SCAF4: variants seen among roughly 807,000 people sequenced by gnomAD.
The protein encoded by SCAF4 is SR-related CTD associated factor 4.
A neutral mutation model predicts 129.8 loss-of-function variants in SCAF4; 25 were observed. The observed-to-expected ratio is 0.19, with a 90% CI of 0.14 to 0.27. The LOEUF is 0.27. Among genes scored for constraint, SCAF4 ranks in the 10% least tolerant of loss-of-function variants. The pLI is 1.00. For missense variants in SCAF4, 1,246 were observed against 1,457.1 expected, an observed-to-expected ratio of 0.86 and a Z score of 2.36; for synonymous variants, 551 against 497.7, an observed-to-expected ratio of 1.11 and a Z score of -1.43.
At chr21:31,685,330 C>T (rs1367014697) in intron 18 of SCAF4, 68 bp downstream of exon 18, 25 of 1,501,980 alleles carry the variant, frequency 1.7e-5, no homozygotes, top group South Asian at 9.5e-5. Context: ...ATCCTATTAC[C>T]GCTTCACTCT....
rs2123531321 is a variant in SCAF4 at position 31,691,903 on chromosome 21, T to C, written c.1642A>G (p.Ile548Val). 3 of 1,599,018 alleles carry C rather than the reference T, an allele frequency of 1.9e-6. No individual in the cohort carries two copies. Among genetic ancestry groups the C allele is most frequent in the Non-Finnish European group, 2.6e-6 (3 of 1,170,662 alleles). The change falls in exon 14 of 20, where the codon ATT (isoleucine) becomes GTT (valine). Residue 548 changes from isoleucine to valine, a missense_variant. Ile to Val is a conservative substitution (Grantham distance 29). Around this residue, in one of 6 missense-constraint regions of SCAF4, gnomAD observed 468 missense variants for 605.5 expected, o/e 0.77. Coordinates refer to ENST00000286835, the MANE Select transcript of SCAF4 (RefSeq NM_020706.2). ...GCATCTTGCCTATGAACCATAACAA[T>C]ATAGGCACAACCCCTGGGAGGAATC... The part of the protein sequence containing the change: ...NMIPPRGCAY[I>V]VMVHRQDAYR...
intron 1 of SCAF4, 159 bp from the exon 2 acceptor site, chr21:31,706,516 C>T (rs529621238): frequency 1.3e-5 from 8 of 601,320 alleles, no homozygotes; most frequent in African/African-American, 1.9e-5. Context: ...GCTTTGGTGG[C>T]CAGGCACCCA....
intron 14 of SCAF4, 68 bp downstream of exon 14, chr21:31,691,749 A>G (rs1035466689): frequency 9.4e-6 from 6 of 640,754 alleles, no homozygotes; most frequent in Non-Finnish European, 1.0e-5. Context: ...ATTAGTTTTT[A>G]TATGCCACAT....
Position 31,703,036 on chromosome 21 carries a change from A to C in SCAF4, c.322-657T>G, listed in dbSNP as rs2050572406. 1.3e-5 allele frequency among the ~76,000 whole-genome samples: 2 copies of C among 152,240 alleles called. 1 individual carries two copies. Among genetic ancestry groups the C allele is most frequent in the South Asian group, 4.1e-4 (2 of 4,830 alleles). ...CTTATAGTCAGCTACTATATCTGTA[A>C]TGTTTTTCTACTTTTATATAGTATG... On this transcript the variant is annotated intron_variant, in intron 4 of 19. Transcript: ENST00000286835.
At chr21:31,729,615 G>C (rs1468260148) in intron 1 of SCAF4, among the ~76,000 whole-genome samples, 1 of 152,180 alleles carries the variant, frequency 6.6e-6, no homozygotes, top group African/African-American at 2.4e-5. Flanking sequence ...TAGTTGAGAA[G>C]CACTACAAAT....
intron 14 of SCAF4, 90 bp downstream of exon 14, chr21:31,691,727 T>G (rs1476136335): frequency 4.1e-6 from 2 of 489,460 alleles, no homozygotes; most frequent in African/African-American, 2.0e-5. Flanking sequence ...GAAAGTCATT[T>G]CGAAGACCCA....
rs774240859 is a variant in SCAF4, at chr21:31,672,070, C to T, written c.2773G>A (p.Gly925Arg). Residue 925 changes from glycine (G) to arginine (R), a missense_variant, in exon 20 of 20, where the codon GGG (glycine) becomes AGG (arginine). Gly to Arg is a moderately radical substitution (Grantham distance 125, BLOSUM62 -2). Around this residue, in one of 6 missense-constraint regions of SCAF4, gnomAD observed 339 missense variants for 325.0 expected, o/e 1.04. Coordinates refer to ENST00000286835, the MANE Select transcript of SCAF4 (RefSeq NM_020706.2). ...CCCCCTGGGCCTGGCCCTGGGCCCC[C>T]GAGCCCTGGCATTCCACCAGGCCTA... ...FVRPGGMPGL[G>R]GPGPGPGGPE... The T allele has an allele frequency of 9.3e-6, 15 of 1,613,272 alleles. No homozygotes were observed. Among genetic ancestry groups the T allele is most frequent in the East Asian group, 2.2e-5 (1 of 44,854 alleles).
intron 16 of SCAF4, among the ~76,000 whole-genome samples, chr21:31,687,177 T>C (rs1043828327): frequency 6.6e-6 from 1 of 152,144 alleles, no homozygotes; most frequent in African/African-American, 2.4e-5. Context: ...AGATTTAATG[T>C]GAGAAACTGA....
chr21:31,701,206 A>G (rs1360782986), intron 6 of SCAF4, 35 bp from the exon 7 acceptor site: 3 of 1,505,472 alleles, frequency 2.0e-6, no homozygotes, highest in Admixed American at 2.3e-5. Flanking sequence ...ATCACAGAAC[A>G]AAGTATAATC....
At chr21:31,681,156 A>G (rs1344374215) in intron 19 of SCAF4, among the ~76,000 whole-genome samples, 2 of 152,056 alleles carry the variant, frequency 1.3e-5, no homozygotes, top group Non-Finnish European at 2.9e-5. Flanking sequence ...CAAATACTCA[A>G]CTCTTATTTA....
chr21:31,671,697 C>G lies in SCAF4; in HGVS notation c.3146G>C (p.Arg1049Thr). 6.2e-7 allele frequency: 1 copy of G among 1,614,138 alleles called. No individual in the cohort carries two copies. Among genetic ancestry groups the G allele is most frequent in the Non-Finnish European group, 8.5e-7 (1 of 1,179,986 alleles). ...DRDRHRDLEERNRRSSGHRDR... is the reference protein window; with the variant it reads ...DRDRHRDLEETNRRSSGHRDR... ...TCGATGCCCACTAGAGCGTCTATTT[C>G]TCTCTTCCAAGTCTCTGTGCCTGTC... The change falls in exon 20 of 20, where the codon AGA (arginine) becomes ACA (threonine). Residue 1049 changes from arginine (R) to threonine (T), a missense_variant. Physicochemically the swap from Arg to Thr is moderately conservative, Grantham distance 71. Coordinates refer to ENST00000286835, the MANE Select transcript of SCAF4 (RefSeq NM_020706.2).
chr21:31,704,216 C>T (rs1183538722), intron 3 of SCAF4, among the ~76,000 whole-genome samples: 1 of 152,072 alleles, frequency 6.6e-6, no homozygotes, highest in African/African-American at 2.4e-5. Flanking sequence ...AATCCTTAAG[C>T]CAGTTCCATA....
rs546098569 is a variant in SCAF4, at chr21:31,704,651, A to T, written c.160-725T>A. Among the ~76,000 whole-genome samples the T allele has an allele frequency of 2.0e-5, 3 of 152,322 alleles. No individual in the cohort carries two copies. The East Asian group carries it at 5.8e-4, about 29-fold the overall frequency. On this transcript the variant is annotated intron_variant, in intron 3 of 19. Transcript: ENST00000286835. ...AACTCAGTGGGAAAAGCAGCCTAACAACCAGTATTATGTCCATTTTTACTT... is the reference window on the plus strand; with the variant it reads ...AACTCAGTGGGAAAAGCAGCCTAACTACCAGTATTATGTCCATTTTTACTT...
intron 1 of SCAF4, among the ~76,000 whole-genome samples, chr21:31,721,442 T>C (rs989522987): frequency 6.6e-6 from 1 of 152,216 alleles, no homozygotes; most frequent in Non-Finnish European, 1.5e-5. Context: ...AGGTTTCCTT[T>C]AAGCAGGGTA....
Position 31,691,847 on chromosome 21 carries a change from T to C in SCAF4, c.1698A>G (p.Gly566=). Reference sequence around the variant, plus strand: ...TGGATTTCTGGTTCACTTTATAGTTTCCTCGGCTCAGTTTCTGCAGGGCAC... The same window carrying C: ...TGGATTTCTGGTTCACTTTATAGTTCCCTCGGCTCAGTTTCTGCAGGGCAC... ...AYRALQKLSR[G]NYKVNQKSIK... The change falls in exon 14 of 20, where the codon GGA becomes GGG. Residue 566 remains glycine, a synonymous_variant. Coordinates refer to ENST00000286835, the MANE Select transcript of SCAF4 (RefSeq NM_020706.2). The C allele has an allele frequency of 6.2e-7, 1 of 1,606,502 alleles. No individual in the cohort carries two copies. Among genetic ancestry groups the C allele is most frequent in the Non-Finnish European group, 8.5e-7 (1 of 1,175,550 alleles).
Position 31,671,101 on chromosome 21 carries a change from CTTAAA to C in SCAF4, c.*293_*297del, listed in dbSNP as rs1264960543. ...TGAGGAGCTTTCACCGTTACCTTGT[CTTAAA>C]TTAAAAAAAAAAAAAAAAATAGAGA... On this transcript the variant is annotated 3_prime_UTR_variant, in exon 20 of 20. Coordinates refer to ENST00000286835, the MANE Select transcript of SCAF4 (RefSeq NM_020706.2). 15 of 256,124 alleles carry C rather than the reference CTTAAA, an allele frequency of 5.9e-5. 1 individual carries two copies. Among genetic ancestry groups the C allele is most frequent in the East Asian group, 7.6e-5 (1 of 13,166 alleles). 15.9% of individuals were successfully genotyped at this position (256,124 alleles called of 1,614,324 possible). A position where few individuals can be genotyped will look rare whatever the true frequency, so the allele number is the denominator to read the frequency against.
At chr21:31,693,848 C>G (rs2050317930) in intron 11 of SCAF4, among the ~76,000 whole-genome samples, 1 of 152,174 alleles carries the variant, frequency 6.6e-6, no homozygotes, top group Admixed American at 6.5e-5. Context: ...AAAACATTCT[C>G]TGATTACAGC....
In SCAF4 at chr21:31,685,614, AGGAGGAGGG is replaced by A. The variant is rs2050101975; in HGVS notation, c.2154_2162del (p.Pro721_Pro723del). The A allele has an allele frequency of 2.5e-6, 4 of 1,614,056 alleles. No homozygotes were observed. In the East Asian group the frequency reaches 8.9e-5, roughly 36 times the overall value. On this transcript the variant is annotated inframe_deletion, in exon 17 of 20. Transcript: ENST00000286835. ...TGAATCCTGGGCGCAAAAATGGTGG[AGGAGGAGGG>A]GGAGGAGGAACACCAGGACCAAAGC... is the stretch of plus-strand genomic sequence containing the variant.
Position 31,685,471 on chromosome 21 carries a change from A to G in SCAF4, c.2223T>C (p.Pro741=), listed in dbSNP as rs1469008567. Residue 741 remains proline, a synonymous_variant, in exon 18 of 20, where the codon CCT becomes CCC. Transcript: ENST00000286835. The part of the protein sequence containing the change: ...PMHLPPGFLP[P]GPPPPITPPV... Reference sequence around the variant, plus strand: ...GTGGAGTTATAGGAGGTGGGGGTCCAGGAGGCAGAAAACCTAGAATAAGAA... The same window carrying G: ...GTGGAGTTATAGGAGGTGGGGGTCCGGGAGGCAGAAAACCTAGAATAAGAA... 1.9e-6 allele frequency: 3 copies of G among 1,613,654 alleles called. No homozygotes were observed. The highest frequency in any genetic ancestry group is 2.7e-5 in the African/African-American group (2 of 75,048).
Sources: gnomAD v4.1 joint callset for allele counts (sites outside exome capture counted in the v4.1 genomes callset) on GRCh38, gnomAD v4.1.1 for gene constraint, gnomAD v4.1.1 regional missense constraint, MANE v1.5 for transcripts, NCBI Gene and HGNC (gene_info 2026-07-23, HGNC 2026-07-21) for gene names.